Variants in DLG2 observed in about 807,000 individuals in gnomAD.
DLG2 encodes the protein discs large MAGUK scaffold protein 2, also known as disks large homolog 2.
In DLG2, 45 loss-of-function variants were observed where a neutral mutation model predicts 132.5. The ratio of observed to expected loss-of-function variants is 0.34; its 90% CI spans 0.27 to 0.44. The LOEUF (loss-of-function observed/expected upper bound fraction) is 0.44, where lower values mean the gene tolerates loss of function less well. Among genes scored for constraint, DLG2 ranks in the 20% least tolerant of loss-of-function variants. DLG2 has a pLI of 1.00. For missense variants in DLG2, 1,045 were observed against 1,196.9 expected (o/e 0.87, Z 1.87); for synonymous variants, 424 against 419.6 (o/e 1.01, Z -0.13).
At position 84,582,307 on chromosome 11, in the gene DLG2, A is replaced by G. The variant is rs568699746; in HGVS notation, c.358-47576T>C. Among the ~76,000 whole-genome samples, 413 of 150,968 alleles carry G rather than the reference A, an allele frequency of 2.7e-3. 8 individuals carry two copies. Among genetic ancestry groups the G allele is most frequent in the African/African-American group, 1.7e-3 (69 of 41,346 alleles). On this transcript the variant is annotated intron_variant, in intron 6 of 27. Transcript: ENST00000376104. ...CAAATCTTGAAGGTGGCGAATATAT[A>G]TATATATTTTAACTTAAAATATATA...
intron 3 of DLG2, among the ~76,000 whole-genome samples, chr11:85,540,998 G>C (rs1193547165): frequency 6.6e-6 from 1 of 152,118 alleles, no homozygotes; most frequent in Non-Finnish European, 1.5e-5. Context: ...TTGTTCCCTG[G>C]AACACTTCCC....
intron 3 of DLG2, among the ~76,000 whole-genome samples, chr11:85,456,860 T>C (rs1456033724): frequency 3.3e-5 from 5 of 152,180 alleles, no homozygotes; most frequent in African/African-American, 1.2e-4. Context: ...TGTTTTGAAT[T>C]TGCCAAGGAT....
intron 6 of DLG2, among the ~76,000 whole-genome samples, chr11:84,936,279 A>G (rs1469283431): frequency 6.6e-6 from 1 of 152,200 alleles, no homozygotes; most frequent in Non-Finnish European, 1.5e-5. Context: ...TTTTATGAGG[A>G]TTAAATATTT....
At chr11:84,793,926 C>T (rs189657348) in intron 6 of DLG2, among the ~76,000 whole-genome samples, 9 of 152,214 alleles carry the variant, frequency 5.9e-5, no homozygotes, top group East Asian at 1.9e-4. Flanking sequence ...GATCTTACTC[C>T]TGCTATTTTG....
At chr11:84,648,273 G>C (rs1483046049) in intron 6 of DLG2, among the ~76,000 whole-genome samples, 1 of 152,154 alleles carries the variant, frequency 6.6e-6, no homozygotes, top group African/African-American at 2.4e-5. Context: ...GAAACAGGCT[G>C]GTTCTGATAC....
At chr11:84,953,998 C>T (rs1253861662) in intron 6 of DLG2, among the ~76,000 whole-genome samples, 3 of 152,036 alleles carry the variant, frequency 2.0e-5, no homozygotes, top group African/African-American at 7.2e-5. Context: ...TCTATCATGC[C>T]TCTCTTTACA....
At chr11:85,492,354 A>G (rs1321252615) in intron 3 of DLG2, among the ~76,000 whole-genome samples, 1 of 152,172 alleles carries the variant, frequency 6.6e-6, no homozygotes, top group Non-Finnish European at 1.5e-5. Flanking sequence ...AATTACAATG[A>G]AGCCATTTAT....
intron 7 of DLG2, among the ~76,000 whole-genome samples, chr11:84,274,341 T>G (rs1167276121): frequency 6.6e-6 from 1 of 152,104 alleles, no homozygotes; most frequent in Non-Finnish European, 1.5e-5. Context: ...GGTTGCACAG[T>G]CAACAATGGT....
intron 5 of DLG2, among the ~76,000 whole-genome samples, chr11:85,120,486 A>G (rs1032584514): frequency 1.4e-4 from 22 of 151,998 alleles, no homozygotes; most frequent in Admixed American, 5.2e-4. Flanking sequence ...TAAAATGTAT[A>G]CTTTCATTTA....
At chr11:85,247,389 T>C (rs1461668283) in intron 4 of DLG2, among the ~76,000 whole-genome samples, 3 of 152,024 alleles carry the variant, frequency 2.0e-5, no homozygotes, top group Admixed American at 6.6e-5. Flanking sequence ...CATAGGAATA[T>C]ACTTTAGGTC....
chr11:85,301,992 A>C (rs976474722), intron 3 of DLG2, among the ~76,000 whole-genome samples: 3 of 152,200 alleles, frequency 2.0e-5, no homozygotes, highest in Non-Finnish European at 2.9e-5. Context: ...AATTAATACA[A>C]ATAGTATAGT....
intron 3 of DLG2, among the ~76,000 whole-genome samples, chr11:85,306,010 T>G (rs773481003): frequency 1.3e-5 from 2 of 152,202 alleles, no homozygotes; most frequent in Non-Finnish European, 2.9e-5. Flanking sequence ...GAGTCCCAGC[T>G]CTGCCACCAA....
intron 6 of DLG2, among the ~76,000 whole-genome samples, chr11:84,571,419 C>G (rs971357411): frequency 6.6e-6 from 1 of 151,868 alleles, no homozygotes; most frequent in Non-Finnish European, 1.5e-5. Flanking sequence ...CAGAAGACAC[C>G]TAAGTACATT....
At chr11:83,498,329 A>G (rs924292805) in intron 21 of DLG2, among the ~76,000 whole-genome samples, 1 of 152,118 alleles carries the variant, frequency 6.6e-6, no homozygotes, top group African/African-American at 2.4e-5. Context: ...CAATTATTAG[A>G]AAATCTTTAG....
chr11:85,492,128 A>G (rs1279816547), intron 3 of DLG2, among the ~76,000 whole-genome samples: 4 of 152,166 alleles, frequency 2.6e-5, no homozygotes, highest in Admixed American at 1.3e-4. Flanking sequence ...GTCACTACAA[A>G]AAAAGATAAC....
At chr11:84,836,369 C>T (rs1391709690) in intron 6 of DLG2, among the ~76,000 whole-genome samples, 1 of 151,674 alleles carries the variant, frequency 6.6e-6, no homozygotes, top group African/African-American at 2.4e-5. Context: ...TTAAATTCCA[C>T]CACAATGATC....
chr11:84,661,846 A>G (rs2099694717), intron 6 of DLG2, among the ~76,000 whole-genome samples: 2 of 152,154 alleles, frequency 1.3e-5, no homozygotes, highest in Admixed American at 1.3e-4. Flanking sequence ...AAATGTTTAT[A>G]TATTGACCAC....
intron 21 of DLG2, among the ~76,000 whole-genome samples, chr11:83,484,645 C>A (rs945329765): frequency 2.2e-4 from 34 of 152,214 alleles, no homozygotes; most frequent in East Asian, 7.7e-4. Context: ...GTGAGACTCA[C>A]AAAAGACAAT....
chr11:83,510,834 T>TTG (rs201218241), intron 21 of DLG2, among the ~76,000 whole-genome samples: 8 of 143,264 alleles, frequency 5.6e-5, no homozygotes, highest in East Asian at 2.0e-4. Context: ...CCATCCGTTT[T>TTG]TTTTTTTTTT....
Sources: allele counts gnomAD v4.1 joint callset (sites outside exome capture counted in the v4.1 genomes callset), GRCh38; gene constraint gnomAD v4.1.1; transcripts MANE v1.5; gene names NCBI Gene and HGNC (gene_info 2026-07-23, HGNC 2026-07-21).